Variants in PMM2 observed in about 807,000 individuals in gnomAD.
PMM2 encodes the protein mannose-6-phosphate isomerase.
In PMM2, 35 loss-of-function variants were observed where a neutral mutation model predicts 33.2. The observed-to-expected ratio is 1.06, with a 90% CI of 0.81 to 1.40. The LOEUF is 1.40. PMM2 is among the 40% of genes most tolerant of loss of function. PMM2 has a pLI of 0.00. For missense variants in PMM2, 386 were observed against 306.0 expected (o/e 1.26, Z -1.95); for synonymous variants, 153 against 114.7 (o/e 1.33, Z -2.13).
chr16:8,811,512 C>G (rs1464661711), intron 5 of PMM2, 126 bp from the exon 6 acceptor site: 1 of 724,544 alleles, frequency 1.4e-6, no homozygotes, highest in African/African-American at 1.8e-5. Context: ...AGAGCAAGAC[C>G]CCCATCTCAA....
At chr16:8,806,242 C>T in intron 3 of PMM2, 74 bp from the exon 4 acceptor site, 1 of 938,596 alleles carries the variant, frequency 1.1e-6, no homozygotes, top group East Asian at 2.4e-5. Flanking sequence ...TGGCTGAAGA[C>T]CCTGGGTTTG....
chr16:8,800,794 C>G, intron 1 of PMM2, among the ~76,000 whole-genome samples: 1 of 152,142 alleles, frequency 6.6e-6, no homozygotes, highest in Non-Finnish European at 1.5e-5. Flanking sequence ...AGTGATTCTC[C>G]TGCCTCAGCC....
chr16:8,843,988 T>A (rs891697435), intron 7 of PMM2, among the ~76,000 whole-genome samples: 3 of 152,112 alleles, frequency 2.0e-5, no homozygotes, highest in African/African-American at 7.2e-5. Context: ...CGAGTTGCAC[T>A]GGGCACAGAG....
At chr16:8,816,451 A>G (rs375520444) in intron 7 of PMM2, among the ~76,000 whole-genome samples, 1 of 150,580 alleles carries the variant, frequency 6.6e-6, no homozygotes, top group African/African-American at 2.4e-5. Context: ...GTTTTTTTTA[A>G]TGTTGGTGGC....
intron 2 of PMM2, among the ~76,000 whole-genome samples, chr16:8,804,021 GGTTTTTTT>G (rs796099013): frequency 0.03 from 2,162 of 72,594 alleles, 72 homozygotes; most frequent in African/African-American, 0.1. Flanking sequence ...TTGTTTTTTG[GGTTTTTTT>G]TGTTTTTTTT....
intron 7 of PMM2, among the ~76,000 whole-genome samples, chr16:8,816,070 G>T (rs1239907614): frequency 6.6e-6 from 1 of 152,162 alleles, no homozygotes; most frequent in African/African-American, 2.4e-5. Context: ...TCAGTGTTCA[G>T]GGAAATGCAA....
At chr16:8,819,739 GA>G (rs1426371055) in intron 7 of PMM2, among the ~76,000 whole-genome samples, 3 of 150,588 alleles carry the variant, frequency 2.0e-5, no homozygotes, top group Non-Finnish European at 3.0e-5. Context: ...TTTAAAAATT[GA>G]AAAAAGGGAG....
chr16:8,832,186 C>G, intron 7 of PMM2: 1 of 985,420 alleles, frequency 1.0e-6, no homozygotes, highest in Non-Finnish European at 1.2e-6. Flanking sequence ...GCCCACCATG[C>G]TCTGAGAGTC....
chr16:8,824,940 C>G (rs531596871), intron 7 of PMM2, among the ~76,000 whole-genome samples: 1 of 152,286 alleles, frequency 6.6e-6, no homozygotes, highest in African/African-American at 2.4e-5. Flanking sequence ...CTTTCATTGT[C>G]TCTCTCTGTC....
chr16:8,811,605 A>C, intron 5 of PMM2, 33 bp from the exon 6 acceptor site: 1 of 1,388,856 alleles, frequency 7.2e-7, no homozygotes, highest in Non-Finnish European at 1.0e-6. Context: ...ACTGCAATAC[A>C]AGAAACAATT....
intron 7 of PMM2, among the ~76,000 whole-genome samples, chr16:8,841,361 A>C (rs553670867): frequency 3.3e-5 from 5 of 151,240 alleles, no homozygotes; most frequent in African/African-American, 1.2e-4. Flanking sequence ...AAAGGCCTCT[A>C]CTTATCTAGT....
At chr16:8,827,586 G>A (rs2060776834) in intron 7 of PMM2, among the ~76,000 whole-genome samples, 2 of 148,168 alleles carry the variant, frequency 1.3e-5, no homozygotes, top group African/African-American at 2.5e-5. Context: ...AGTAGAGACA[G>A]GGTTTCACTA....
At chr16:8,802,384 A>AT in intron 2 of PMM2, 1 of 426,514 alleles carries the variant, frequency 2.3e-6, no homozygotes, top group Non-Finnish European at 4.6e-6. Context: ...TGGGAATCCT[A>AT]TTTCAGTGAG....
intron 2 of PMM2, 187 bp downstream of exon 2, chr16:8,802,097 C>G (rs1324368615): frequency 1.7e-6 from 1 of 584,142 alleles, no homozygotes; most frequent in Non-Finnish European, 3.2e-6. Context: ...TCTGGAGTTA[C>G]TGATGGAGAA....
chr16:8,804,581 C>G (rs76000459), intron 2 of PMM2, among the ~76,000 whole-genome samples, 186 bp from the exon 3 acceptor site: 43 of 152,038 alleles, frequency 2.8e-4, no homozygotes, highest in African/African-American at 8.9e-4. Flanking sequence ...AATGTGTAAC[C>G]AAAAAGAGCC....
chr16:8,813,204 A>AC, intron 7 of PMM2, 98 bp downstream of exon 7: 1 of 819,012 alleles, frequency 1.2e-6, no homozygotes, highest in East Asian at 2.5e-5. Context: ...CACTTTACCC[A>AC]CCCGCCCTGC....
rs576972946 is a variant in PMM2 at position 8,836,076 on chromosome 16, T to G, written c.640-11648T>G. On this transcript the variant is annotated intron_variant, in intron 7 of 7. Coordinates refer to ENST00000268261, the MANE Select transcript of PMM2 (RefSeq NM_000303.3). The stretch of plus-strand genomic sequence containing the variant: ...AAATTGGCACCAGAGTTGGGGAGTT[T>G]TAAGAGGTTTAGAAGCCTGGCCGTC... 5.9e-5 allele frequency among the ~76,000 whole-genome samples: 9 copies of G among 151,312 alleles called. No individual in the cohort carries two copies. The South Asian group carries it at 1.5e-3, about 25-fold the overall frequency.
At chr16:8,817,354 A>G (rs2060713957) in intron 7 of PMM2, among the ~76,000 whole-genome samples, 1 of 152,258 alleles carries the variant, frequency 6.6e-6, no homozygotes, top group South Asian at 2.1e-4. Context: ...AATGACACCT[A>G]GGATCTAAGG....
chr16:8,838,659 G>T (rs1010561017), intron 7 of PMM2, among the ~76,000 whole-genome samples: 1 of 151,898 alleles, frequency 6.6e-6, no homozygotes, highest in South Asian at 2.1e-4. Context: ...ATACAGTTTT[G>T]GATGAATTGA....
Sources: gnomAD v4.1 joint callset for allele counts (sites outside exome capture counted in the v4.1 genomes callset) on GRCh38, gnomAD v4.1.1 for gene constraint, MANE v1.5 for transcripts, NCBI Gene and HGNC (gene_info 2026-07-23, HGNC 2026-07-21) for gene names.